The following COL2A1 variants were observed in gnomAD, a reference collection of about 807,000 sequenced individuals.
The protein encoded by COL2A1 is collagen type II alpha 1 chain, also known as collagen alpha-1(II) chain.
In COL2A1, 28 loss-of-function variants were observed where a neutral mutation model predicts 204.5. The observed-to-expected ratio is 0.14, with a 90% CI of 0.10 to 0.19. The LOEUF is 0.19. COL2A1 is among the 10% of genes least tolerant of loss of function. The pLI is 1.00. For missense variants in COL2A1, 1,388 were observed against 2,027.5 expected (o/e 0.68, Z 6.06); for synonymous variants, 708 against 718.7 (o/e 0.99, Z 0.24).
intron 35 of COL2A1, 28 bp from the exon 36 acceptor site, chr12:47,981,857 G>C (rs1449361822): frequency 1.3e-6 from 2 of 1,553,036 alleles, no homozygotes; most frequent in South Asian, 2.4e-5. Context: ...AGAGGTGAGG[G>C]AGGCAGGCTG....
chr12:47,985,512 AG>A lies in COL2A1; in HGVS notation c.1734+21del, dbSNP rs749313776. 7.4e-6 allele frequency: 12 copies of A among 1,612,252 alleles called. No individual in the cohort carries two copies. In the Admixed American group the frequency reaches 1.2e-4, roughly 16 times the overall value. ...AGGGAGATCCCCCCACCCTCCTAGC[AG>A]CCCTCAGAGGATAGACTTACAGAAG... On this transcript the variant is annotated intron_variant, in intron 26 of 53. Transcript: ENST00000380518.
rs1232570426 is a variant in COL2A1, at chr12:47,993,857, A to G, written c.876T>C (p.Tyr292=). 1.9e-6 allele frequency: 3 copies of G among 1,614,092 alleles called. No homozygotes were observed. The highest frequency in any genetic ancestry group is 2.7e-5 in the African/African-American group (2 of 74,934). Residue 292 remains tyrosine (Y), a synonymous_variant, in exon 14 of 54, where the codon TAT becomes TAC. Coordinates refer to ENST00000380518, the MANE Select transcript of COL2A1 (RefSeq NM_001844.5). ...GLPGVKGHRG[Y]PGLDGAKGEA... Reference sequence around the variant, plus strand: ...CTCCCTTAGCACCGTCCAGGCCTGGATAACCCTAGGGAACAAGAGAAAATG... The same window carrying G: ...CTCCCTTAGCACCGTCCAGGCCTGGGTAACCCTAGGGAACAAGAGAAAATG...
At position 47,996,598 on chromosome 12, in the gene COL2A1, ATCC is replaced by A. The variant is rs1173263767; in HGVS notation, c.556_558del (p.Gly186del). Reference sequence around the variant, plus strand: ...TGGGCGCCACCAGCCTTTTCATCAAATCCTCCAGCCATCTGGGCAGCAAAGTTC... The same window carrying A: ...TGGGCGCCACCAGCCTTTTCATCAAATCCAGCCATCTGGGCAGCAAAGTTC... On this transcript the variant is annotated inframe_deletion, in exon 8 of 54. Coordinates refer to ENST00000380518, the MANE Select transcript of COL2A1 (RefSeq NM_001844.5). The A allele has an allele frequency of 1.9e-6, 3 of 1,614,050 alleles. No individual in the cohort carries two copies. Among genetic ancestry groups the A allele is most frequent in the Non-Finnish European group, 2.5e-6 (3 of 1,180,036 alleles).
chr12:47,981,541 C>A (rs1191802050), intron 36 of COL2A1, 145 bp from the exon 37 acceptor site: 4 of 894,812 alleles, frequency 4.5e-6, no homozygotes. Flanking sequence ...GCAGCCCATA[C>A]CCGCACCCTC....
At chr12:47,981,608 G>A (rs1402393239) in intron 36 of COL2A1, among the ~76,000 whole-genome samples, 168 bp downstream of exon 36, 1 of 152,226 alleles carries the variant, frequency 6.6e-6, no homozygotes, top group Non-Finnish European at 1.5e-5. Flanking sequence ...ACCCAACAGG[G>A]AACACTGCCA....
In COL2A1 at chr12:47,975,622, A is replaced by G. The variant is rs1439333046; in HGVS notation, c.3598-17T>C. The G allele has an allele frequency of 6.3e-7, 1 of 1,598,054 alleles. No homozygotes were observed. The highest frequency in any genetic ancestry group is 1.1e-5 in the South Asian group (1 of 90,934). ...AGGAGGACCCTGCAGCAGGAAACAG[A>G]GAGATCAGCCAGGATTGTGTGAAAG... On this transcript the variant is annotated splice_polypyrimidine_tract_variant and intron_variant, in intron 50 of 53. Transcript: ENST00000380518.
chr12:48,000,223 A>C (rs1026928509), intron 1 of COL2A1, 98 bp from the exon 2 acceptor site: 9 of 840,808 alleles, frequency 1.1e-5, no homozygotes, highest in Admixed American at 1.0e-4. Context: ...ACTTGACAGA[A>C]TTCAAATGCT....
In COL2A1 at chr12:47,978,140, G is replaced by T; in HGVS notation, c.3004-23C>A. ...ACCCTGGAGGGACAGAGACAAGGAT[G>T]ATGAGTGCAAGTGGTAAGCACCCCT... On this transcript the variant is annotated intron_variant, in intron 43 of 53. Coordinates refer to ENST00000380518, the MANE Select transcript of COL2A1 (RefSeq NM_001844.5). This position sits in a 1 kb window ranked among gnomAD's most constrained non-coding sequence, Gnocchi z 5.5. The T allele has an allele frequency of 1.9e-6, 3 of 1,606,388 alleles. No individual in the cohort carries two copies. The South Asian group carries it at 3.3e-5, about 18-fold the overall frequency.
At position 47,973,282 on chromosome 12, in the gene COL2A1, G is replaced by C; in HGVS notation, c.*125C>G. On this transcript the variant is annotated 3_prime_UTR_variant, in exon 54 of 54. Transcript: ENST00000380518. ...GGGGAGAAAAGTCCGAACTGTGAGA[G>C]GGTGGGATGAATGGACATCAGGTCA... 1 of 1,257,728 alleles carries C rather than the reference G, an allele frequency of 8.0e-7. No individual in the cohort carries two copies. The highest frequency in any genetic ancestry group is 2.3e-5 in the East Asian group (1 of 43,228). 77.9% of individuals were successfully genotyped at this position (1,257,728 alleles called of 1,614,324 possible).
Position 47,983,088 on chromosome 12 carries a change from C to A in COL2A1, c.2094+5G>T, listed in dbSNP as rs775107523. 1 of 1,613,966 alleles carries A rather than the reference C, an allele frequency of 6.2e-7. No homozygotes were observed. Among genetic ancestry groups the A allele is most frequent in the East Asian group, 2.2e-5 (1 of 44,884 alleles). On this transcript the variant is annotated splice_donor_5th_base_variant and intron_variant, in intron 32 of 53. Coordinates refer to ENST00000380518, the MANE Select transcript of COL2A1 (RefSeq NM_001844.5). ...GCAGCCCGCATTGGCCAACAGGATA[C>A]TCACCCTGGGACCCACGAGGCCAGG...
At chr12:47,973,699 T>A in intron 53 of COL2A1, 146 bp from the exon 54 acceptor site, 1 of 963,266 alleles carries the variant, frequency 1.0e-6, no homozygotes, top group Non-Finnish European at 1.6e-6. Flanking sequence ...AGACCTCTTC[T>A]TGGCTTGCCA....
At chr12:47,979,482 G>A (rs1938915452) in intron 41 of COL2A1, 29 bp downstream of exon 41, 1 of 1,612,896 alleles carries the variant, frequency 6.2e-7, no homozygotes, top group Non-Finnish European at 8.5e-7. Flanking sequence ...ATGCCTGCCT[G>A]TGCCTCTCAT....
intron 17 of COL2A1, among the ~76,000 whole-genome samples, 173 bp downstream of exon 17, chr12:47,989,588 G>A (rs558376425): frequency 6.6e-6 from 1 of 152,330 alleles, no homozygotes; most frequent in South Asian, 2.1e-4. Context: ...TTCAAAGCTT[G>A]TTATCGATAT....
intron 6 of COL2A1, 45 bp from the exon 7 acceptor site, chr12:47,997,752 C>T: frequency 6.2e-7 from 1 of 1,613,900 alleles, no homozygotes; most frequent in Non-Finnish European, 8.5e-7. Flanking sequence ...CAGTGTTTCT[C>T]CAAGAGCCAT....
Position 47,983,703 on chromosome 12 carries a change from G to A in COL2A1, c.1975C>T (p.Pro659Ser), listed in dbSNP as rs747852608. 3.1e-6 allele frequency: 5 copies of A among 1,600,182 alleles called. No homozygotes were observed. The African/African-American group carries it at 6.7e-5, about 21-fold the overall frequency. The change falls in exon 30 of 54, where the codon CCT (proline) becomes TCT (serine). Residue 659 changes from proline (P) to serine (S), a missense_variant. Coordinates refer to ENST00000380518, the MANE Select transcript of COL2A1 (RefSeq NM_001844.5). ...PAGERGEQGA[P>S]GPSGFQGLPG... ...CCTACCTGGAACCCAGATGGCCCAG[G>A]AGCACCCTGCTCGCCTCGTTCACCA...
At chr12:47,989,115 G>A (rs1020948012) in intron 18 of COL2A1, 113 bp downstream of exon 18, 44 of 883,330 alleles carry the variant, frequency 5.0e-5, no homozygotes, top group Admixed American at 2.0e-4. Context: ...GTGGTGGGGA[G>A]CTACTTCTCA....
chr12:47,977,173 G>A lies in COL2A1; in HGVS notation c.3274-18C>T, dbSNP rs370482993. On this transcript the variant is annotated intron_variant, in intron 46 of 53. Coordinates refer to ENST00000380518, the MANE Select transcript of COL2A1 (RefSeq NM_001844.5). ...TGTGCACCCTGAGGAGAGAGTGAGC[G>A]CAGCGTCAGAGAAAAGCCAGGACAG... 9.6e-5 allele frequency: 154 copies of A among 1,610,984 alleles called. No individual in the cohort carries two copies. Among genetic ancestry groups the A allele is most frequent in the African/African-American group, 6.3e-4 (47 of 75,022 alleles).
At chr12:47,997,732 C>T in intron 6 of COL2A1, 25 bp from the exon 7 acceptor site, 2 of 1,614,120 alleles carry the variant, frequency 1.2e-6, no homozygotes, top group East Asian at 2.2e-5. Context: ...AAAAAGGCAT[C>T]AATGGGAAGC....
intron 53 of COL2A1, 65 bp from the exon 54 acceptor site, chr12:47,973,618 A>G: frequency 1.7e-5 from 27 of 1,595,812 alleles, no homozygotes; most frequent in Non-Finnish European, 2.3e-5. Flanking sequence ...CCAGCTGCCC[A>G]GAAGCCCAAA....
Sources: gnomAD v4.1 joint callset for allele counts (sites outside exome capture counted in the v4.1 genomes callset) on GRCh38, gnomAD v4.1.1 for gene constraint, Gnocchi (gnomAD v3.1) non-coding constraint, MANE v1.5 for transcripts, NCBI Gene and HGNC (gene_info 2026-07-23, HGNC 2026-07-21) for gene names.